Variants in RIC8A observed in about 807,000 individuals in gnomAD.
RIC8A encodes RIC8 guanine nucleotide exchange factor A.
In RIC8A, 37 loss-of-function variants were observed where a neutral mutation model predicts 48.4. The observed-to-expected ratio is 0.77, with a 90% CI of 0.59 to 1.01. The LOEUF (loss-of-function observed/expected upper bound fraction) is 1.01, where lower values mean the gene tolerates loss of function less well. Among genes scored for constraint, RIC8A ranks in the 50% least tolerant of loss-of-function variants. RIC8A has a pLI of 0.00. For missense variants in RIC8A, 681 were observed against 696.8 expected, an observed-to-expected ratio of 0.98 and a Z score of 0.25; for synonymous variants, 288 against 283.4, an observed-to-expected ratio of 1.02 and a Z score of -0.16.
intron 8 of RIC8A, 78 bp downstream of exon 8, chr11:213,059 T>G: frequency 6.7e-7 from 1 of 1,489,390 alleles, no homozygotes; most frequent in Non-Finnish European, 9.0e-7. Context: ...TGGACCCCTG[T>G]AGGGTGGGAC....
At chr11:210,385 A>C (rs139183982) in intron 3 of RIC8A, 186 bp from the exon 4 acceptor site, 1 of 719,396 alleles carries the variant, frequency 1.4e-6, no homozygotes, top group African/African-American at 1.7e-5. Context: ...GGAAGACAGC[A>C]GTGGTCATCT....
intron 3 of RIC8A, 84 bp downstream of exon 3, chr11:210,084 T>G: frequency 8.2e-7 from 1 of 1,214,326 alleles, no homozygotes; most frequent in Non-Finnish European, 1.1e-6. Context: ...TACCTTCAGG[T>G]TTCTGGGTGT....
chr11:212,008 T>C lies in RIC8A; in HGVS notation c.970-408T>C, dbSNP rs146363286. On this transcript the variant is annotated intron_variant, in intron 5 of 9. Transcript: ENST00000526104. The stretch of plus-strand genomic sequence containing the variant: ...TAGGAGGGTCAAGAACTCCCTGCTC[T>C]GTCCACGAAGTACACAGAGCGGGGA... 2.9e-4 allele frequency: 73 copies of C among 248,692 alleles called. 2 individuals carry two copies. The highest frequency in any genetic ancestry group is 1.4e-3 in the African/African-American group (63 of 44,542). The allele number at this position is 248,692 out of a possible 1,614,324, so 15.4% of individuals were successfully genotyped here. A position where few individuals can be genotyped will look rare whatever the true frequency, so the allele number is the denominator to read the frequency against.
intron 3 of RIC8A, 150 bp from the exon 4 acceptor site, chr11:210,421 A>G (rs770913241): frequency 1.3e-6 from 1 of 799,312 alleles, no homozygotes; most frequent in South Asian, 1.4e-5. Context: ...ACCCAGAGTC[A>G]CCTAGGAAGA....
Position 211,280 on chromosome 11 carries a change from G to A in RIC8A, c.900G>A (p.Thr300=), listed in dbSNP as rs145464704. Residue 300 remains threonine (T), a synonymous_variant, in exon 5 of 10, where the codon ACG becomes ACA. Coordinates refer to ENST00000526104, the MANE Select transcript of RIC8A (RefSeq NM_001286134.2). The surrounding 1 kb of genome is among the most constrained non-coding windows in gnomAD (Gnocchi z 4.0). ...LLTLEPHGDS[T]EFMGVNMDVI... Reference sequence around the variant, plus strand: ...CCCTGGAGCCACATGGAGACTCCACGGAGTTCATGGGAGTGAATATGGATG... The same window carrying A: ...CCCTGGAGCCACATGGAGACTCCACAGAGTTCATGGGAGTGAATATGGATG... 2.2e-5 allele frequency: 35 copies of A among 1,613,986 alleles called. No homozygotes were observed. Among genetic ancestry groups the A allele is most frequent in the Middle Eastern group, 1.6e-4 (1 of 6,084 alleles).
Position 214,497 on chromosome 11 carries a change from C to CTGT in RIC8A, c.*149_*151dup. Reference sequence around the variant, plus strand: ...GAAACCCCTTCTCTTGACTCCCGTTCTGTTCATGATTTGCCTCTGGTCCAG... The same window carrying CTGT: ...GAAACCCCTTCTCTTGACTCCCGTTCTGTTGTTCATGATTTGCCTCTGGTCCAG... On this transcript the variant is annotated 3_prime_UTR_variant, in exon 10 of 10. Coordinates refer to ENST00000526104, the MANE Select transcript of RIC8A (RefSeq NM_001286134.2). The CTGT allele has an allele frequency of 2.0e-6, 2 of 981,820 alleles. No individual in the cohort carries two copies. The highest frequency in any genetic ancestry group is 3.1e-6 in the Non-Finnish European group (2 of 640,310). 60.8% of individuals were successfully genotyped at this position (981,820 alleles called of 1,614,324 possible).
intron 5 of RIC8A, 70 bp from the exon 6 acceptor site, chr11:212,346 G>A: frequency 2.1e-6 from 3 of 1,451,994 alleles, no homozygotes; most frequent in East Asian, 2.4e-5. Context: ...GGGGTGGTGG[G>A]GAGGTGTAAC....
In RIC8A at chr11:214,230, G is replaced by A; in HGVS notation, c.1476G>A (p.Arg492=). ...GCCCCACTGCACCTTTCCCCAACAG[G>A]AACAGAGTCATCCAGCCAATGGGGA... ...KLVTMFDKLS[R]NRVIQPMGMS... is the part of the protein sequence containing the mutation. The change falls in exon 10 of 10, where the codon AGG becomes AGA. Residue 492 remains arginine, a splice_region_variant and synonymous_variant. Transcript: ENST00000526104. 6.2e-7 allele frequency: 1 copy of A among 1,613,618 alleles called. No individual in the cohort carries two copies. The highest frequency in any genetic ancestry group is 8.5e-7 in the Non-Finnish European group (1 of 1,179,834).
Position 215,090 on chromosome 11 carries a change from A to G in RIC8A, c.*740A>G, listed in dbSNP as rs1040188253. The G allele has an allele frequency of 6.5e-6, 1 of 154,598 alleles. No homozygotes were observed. Among genetic ancestry groups the G allele is most frequent in the Non-Finnish European group, 1.4e-5 (1 of 69,568 alleles). 9.6% of individuals were successfully genotyped at this position (154,598 alleles called of 1,614,324 possible). On this transcript the variant is annotated 3_prime_UTR_variant, in exon 10 of 10. Transcript: ENST00000526104. The stretch of plus-strand genomic sequence containing the variant: ...ATAGCCACAGAAACATCATCTTGAA[A>G]TAAAGAAGAGTTTTGGACAAAAATG...
In RIC8A at chr11:210,621, G is replaced by A. The variant is rs772171685; in HGVS notation, c.777G>A (p.Val259=). Residue 259 remains valine (V), a synonymous_variant, in exon 4 of 10, where the codon GTG becomes GTA. Coordinates refer to ENST00000526104, the MANE Select transcript of RIC8A (RefSeq NM_001286134.2). ...RHLGTLLRHC[V]MIATAGDRTE... Reference sequence around the variant, plus strand: ...TGGGGACCCTTCTCCGGCACTGTGTGATGATCGCTACTGCTGGAGACCGCA... The same window carrying A: ...TGGGGACCCTTCTCCGGCACTGTGTAATGATCGCTACTGCTGGAGACCGCA... 2 of 1,614,174 alleles carry A rather than the reference G, an allele frequency of 1.2e-6. No individual in the cohort carries two copies. The highest frequency in any genetic ancestry group is 1.7e-6 in the Non-Finnish European group (2 of 1,180,042).
In RIC8A at chr11:214,560, G is replaced by C; in HGVS notation, c.*210G>C. The C allele has an allele frequency of 3.0e-6, 2 of 674,666 alleles. No homozygotes were observed. The highest frequency in any genetic ancestry group is 2.2e-5 in the Admixed American group (1 of 45,936). The allele number at this position is 674,666 out of a possible 1,614,324, so 41.8% of individuals were successfully genotyped here. A position where few individuals can be genotyped will look rare whatever the true frequency, so the allele number is the denominator to read the frequency against. ...GGACTGCAACGGTCTTCTTGTGCTA[G>C]AACTCAGGCTCAGCCTCGAATTCCA... is the stretch of plus-strand genomic sequence containing the variant. On this transcript the variant is annotated 3_prime_UTR_variant, in exon 10 of 10. Coordinates refer to ENST00000526104, the MANE Select transcript of RIC8A (RefSeq NM_001286134.2).
chr11:210,258 A>G (rs1347243095), intron 3 of RIC8A: 4 of 668,302 alleles, frequency 6.0e-6, no homozygotes, highest in Non-Finnish European at 5.4e-6. Context: ...ACTGTAAGAG[A>G]TCCTCCACCA....
At position 211,434 on chromosome 11, in the gene RIC8A, T is replaced by C. The variant is rs1336568156; in HGVS notation, c.969+85T>C. 7 of 1,355,712 alleles carry C rather than the reference T, an allele frequency of 5.2e-6. No individual in the cohort carries two copies. Among genetic ancestry groups the C allele is most frequent in the Non-Finnish European group, 7.1e-6 (7 of 987,896 alleles). The allele number at this position is 1,355,712 out of a possible 1,614,324, so 84.0% of individuals were successfully genotyped here. A position where few individuals can be genotyped will look rare whatever the true frequency, so the allele number is the denominator to read the frequency against. ...AGATGTGGTCAGTGCTTCCACACTG[T>C]CCACACTGGTACGTGGAGATTGTCT... is the stretch of plus-strand genomic sequence containing the variant. On this transcript the variant is annotated intron_variant, in intron 5 of 9. Coordinates refer to ENST00000526104, the MANE Select transcript of RIC8A (RefSeq NM_001286134.2). The surrounding 1 kb of genome is among the most constrained non-coding windows in gnomAD (Gnocchi z 4.0).
chr11:209,223 G>C, intron 1 of RIC8A, 48 bp from the exon 2 acceptor site: 2 of 1,612,304 alleles, frequency 1.2e-6, no homozygotes, highest in Non-Finnish European at 1.7e-6. Context: ...ATCAGCGGAC[G>C]CGGATCCTAC....
At position 208,753 on chromosome 11, in the gene RIC8A, T is replaced by G. The variant is rs1855256360; in HGVS notation, c.-102T>G. The G allele has an allele frequency of 2.4e-6, 2 of 850,934 alleles. No homozygotes were observed. The highest frequency in any genetic ancestry group is 6.3e-5 in the East Asian group (2 of 31,638). 52.7% of individuals were successfully genotyped at this position (850,934 alleles called of 1,614,324 possible). On this transcript the variant is annotated 5_prime_UTR_variant, in exon 1 of 10. Coordinates refer to ENST00000526104, the MANE Select transcript of RIC8A (RefSeq NM_001286134.2). The surrounding 1 kb of genome is among the most constrained non-coding windows in gnomAD (Gnocchi z 4.8). ...CCAGACGCCGCGCCCCGTCCCGGCC[T>G]CCCCCGCGCGCTGGCGCGGGGCTTT...
chr11:208,724 G>C lies in RIC8A; in HGVS notation c.-131G>C. On this transcript the variant is annotated 5_prime_UTR_variant, in exon 1 of 10. Coordinates refer to ENST00000526104, the MANE Select transcript of RIC8A (RefSeq NM_001286134.2). The surrounding 1 kb of genome is among the most constrained non-coding windows in gnomAD (Gnocchi z 4.8). ...ACCAGACGCTGCGCCCCGTTAAAGCGCCACCAGACGCCGCGCCCCGTCCCG... is the reference window on the plus strand; with the variant it reads ...ACCAGACGCTGCGCCCCGTTAAAGCCCCACCAGACGCCGCGCCCCGTCCCG... The C allele has an allele frequency of 1.7e-6, 1 of 600,948 alleles. No individual in the cohort carries two copies. The highest frequency in any genetic ancestry group is 2.8e-6 in the Non-Finnish European group (1 of 363,196). 37.2% of individuals were successfully genotyped at this position (600,948 alleles called of 1,614,324 possible).
At chr11:210,389 G>A (rs1855324006) in intron 3 of RIC8A, 182 bp from the exon 4 acceptor site, 1 of 722,812 alleles carries the variant, frequency 1.4e-6, no homozygotes, top group African/African-American at 1.7e-5. Flanking sequence ...GACAGCAGTG[G>A]TCATCTTTTG....
At chr11:209,235 C>T (rs974004322) in intron 1 of RIC8A, 36 bp from the exon 2 acceptor site, 1 of 1,613,756 alleles carries the variant, frequency 6.2e-7, no homozygotes, top group Non-Finnish European at 8.5e-7. Context: ...GGATCCTACC[C>T]CTCTGTGGAT....
intron 1 of RIC8A, 52 bp from the exon 2 acceptor site, chr11:209,219 G>T (rs759342199): frequency 1.4e-5 from 22 of 1,607,830 alleles, no homozygotes; most frequent in East Asian, 4.5e-5. Context: ...CCGCATCAGC[G>T]GACGCGGATC....
Sources: gnomAD v4.1 joint callset for allele counts on GRCh38, gnomAD v4.1.1 for gene constraint, Gnocchi (gnomAD v3.1) non-coding constraint, MANE v1.5 for transcripts, NCBI Gene and HGNC (gene_info 2026-07-23, HGNC 2026-07-21) for gene names.